Variants in HSD17B2 observed in about 807,000 individuals in gnomAD.
HSD17B2 encodes hydroxysteroid 17-beta dehydrogenase 2.
A neutral mutation model predicts 26.9 loss-of-function variants in HSD17B2; 32 were observed. The observed-to-expected ratio is 1.19, with a 90% CI of 0.90 to 1.60. HSD17B2 has a LOEUF of 1.60. HSD17B2 is among the 40% of genes most tolerant of loss of function. HSD17B2 has a pLI of 0.00. For synonymous variants in HSD17B2, 246 were observed against 186.7 expected (o/e 1.32, Z -2.59); for missense variants, 613 against 468.6 (o/e 1.31, Z -2.85).
At chr16:82,068,071 C>T (rs1271145223) in intron 1 of HSD17B2, 99 bp from the exon 2 acceptor site, 3 of 1,061,448 alleles carry the variant, frequency 2.8e-6, no homozygotes, top group Non-Finnish European at 4.2e-6. Flanking sequence ...CTTCAGAGAG[C>T]ATGGAGAATC....
At chr16:82,078,432 C>G (rs1332844820) in intron 3 of HSD17B2, among the ~76,000 whole-genome samples, 4 of 152,106 alleles carry the variant, frequency 2.6e-5, no homozygotes, top group Non-Finnish European at 5.9e-5. Context: ...GTACACTGTT[C>G]ATGGGGATGT....
intron 4 of HSD17B2, chr16:82,091,274 A>C: frequency 1.8e-6 from 1 of 550,522 alleles, no homozygotes; most frequent in Non-Finnish European, 3.3e-6. Flanking sequence ...AAGGAAAACC[A>C]GGGAGAGGGG....
At chr16:82,097,952 A>T (rs886127725) in intron 4 of HSD17B2, 123 bp from the exon 5 acceptor site, 94 of 741,148 alleles carry the variant, frequency 1.3e-4, no homozygotes, top group African/African-American at 2.4e-4. Context: ...AAATAAAAAA[A>T]TAAAAAAATA....
At chr16:82,039,207 GATTT>G (rs1394723308) in intron 1 of HSD17B2, among the ~76,000 whole-genome samples, 9 of 151,270 alleles carry the variant, frequency 5.9e-5, no homozygotes, top group Admixed American at 5.9e-4. Context: ...CTCGGTTTTG[GATTT>G]TGGGACTCTG....
chr16:82,097,256 A>ATGTGTGTGTATG (rs1904870444), intron 4 of HSD17B2: 1 of 107,518 alleles, frequency 9.3e-6, no homozygotes, highest in Non-Finnish European at 2.1e-5. Context: ...GTCTATGTCT[A>ATGTGTGTGTATG]TGTCTATGTC....
At chr16:82,048,653 C>G (rs1210841932) in intron 1 of HSD17B2, among the ~76,000 whole-genome samples, 4 of 152,160 alleles carry the variant, frequency 2.6e-5, no homozygotes. Context: ...AACTAGGAGG[C>G]TGTTGCTTAA....
intron 2 of HSD17B2, among the ~76,000 whole-genome samples, chr16:82,068,902 G>T (rs8191140): frequency 0.1 from 15,870 of 151,920 alleles, 2,772 homozygotes; most frequent in African/African-American, 0.36. Flanking sequence ...GAAGACCCAG[G>T]TTTTTTTTGT....
At chr16:82,071,164 C>T (rs1567587470) in intron 3 of HSD17B2, 37 bp downstream of exon 3, 1 of 1,581,566 alleles carries the variant, frequency 6.3e-7, no homozygotes, top group African/African-American at 1.3e-5. Flanking sequence ...ATGGGGTGCC[C>T]ATCACAAGAC....
chr16:82,046,016 T>C (rs1217851050), intron 1 of HSD17B2, among the ~76,000 whole-genome samples: 1 of 152,232 alleles, frequency 6.6e-6, no homozygotes, highest in Non-Finnish European at 1.5e-5. Flanking sequence ...TGAGTCCCCA[T>C]CTCTCTATGA....
chr16:82,097,885 C>A (rs1904898769), intron 4 of HSD17B2, 190 bp from the exon 5 acceptor site: 1 of 440,634 alleles, frequency 2.3e-6, no homozygotes, highest in Non-Finnish European at 3.8e-6. Context: ...TTGCAGTGAG[C>A]TGAGATCACA....
intron 1 of HSD17B2, among the ~76,000 whole-genome samples, chr16:82,039,250 C>A (rs1014187040): frequency 6.8e-6 from 1 of 146,112 alleles, no homozygotes; most frequent in African/African-American, 2.5e-5. Flanking sequence ...GAAAATAATA[C>A]ACACACACAC....
At chr16:82,056,154 C>T (rs573038452) in intron 1 of HSD17B2, among the ~76,000 whole-genome samples, 8 of 152,230 alleles carry the variant, frequency 5.3e-5, no homozygotes, top group Admixed American at 2.6e-4. Flanking sequence ...GACATCCTGT[C>T]AGCCAGGAAG....
intron 1 of HSD17B2, among the ~76,000 whole-genome samples, chr16:82,057,676 T>C (rs1914313833): frequency 6.6e-6 from 1 of 152,212 alleles, no homozygotes; most frequent in Non-Finnish European, 1.5e-5. Context: ...CTATGTACCC[T>C]TAATGTGATG....
intron 4 of HSD17B2, chr16:82,092,707 T>C (rs1261610135): frequency 2.0e-5 from 3 of 152,246 alleles, no homozygotes; most frequent in Admixed American, 6.5e-5. Flanking sequence ...GGTTTCCAAC[T>C]TGGGGACTCC....
chr16:82,086,315 G>C (rs2142363292), intron 3 of HSD17B2, among the ~76,000 whole-genome samples: 1 of 152,318 alleles, frequency 6.6e-6, no homozygotes, highest in East Asian at 1.9e-4. Flanking sequence ...GTGAAGTACT[G>C]ATACACGCTA....
At chr16:82,056,657 G>A (rs1049357977) in intron 1 of HSD17B2, 1 of 152,172 alleles carries the variant, frequency 6.6e-6, no homozygotes, top group African/African-American at 2.4e-5. Context: ...TCTCTATAAT[G>A]TATAATACAT....
intron 1 of HSD17B2, among the ~76,000 whole-genome samples, chr16:82,037,530 G>T (rs551289898): frequency 6.6e-6 from 1 of 152,106 alleles, no homozygotes; most frequent in African/African-American, 2.4e-5. Flanking sequence ...CATACATATG[G>T]TTCCTTTATC....
chr16:82,087,348 A>G (rs1904556658), intron 3 of HSD17B2, among the ~76,000 whole-genome samples: 1 of 152,238 alleles, frequency 6.6e-6, no homozygotes, highest in African/African-American at 2.4e-5. Context: ...GTAACTGGAC[A>G]GACAATGAAG....
At chr16:82,091,683 C>T (rs192727543) in intron 4 of HSD17B2, 1 of 153,724 alleles carries the variant, frequency 6.5e-6, no homozygotes, top group East Asian at 1.9e-4. Context: ...CTGCTAGAAA[C>T]TGTGCTGGAG....
Sources: gnomAD v4.1 joint callset for allele counts (sites outside exome capture counted in the v4.1 genomes callset) on GRCh38, gnomAD v4.1.1 for gene constraint, MANE v1.5 for transcripts, NCBI Gene and HGNC (gene_info 2026-07-23, HGNC 2026-07-21) for gene names.